DNAJC3: variants seen among roughly 807,000 people sequenced by gnomAD.
The protein encoded by DNAJC3 is dnaJ homolog subfamily C member 3.
Under a neutral mutation model 68.6 loss-of-function variants are expected in DNAJC3, and 38 were observed. That is an observed-to-expected ratio of 0.55 (90% CI 0.43 to 0.73). The LOEUF (loss-of-function observed/expected upper bound fraction) is 0.73. Ranked by LOEUF, DNAJC3 falls within the 30% of genes least tolerant of loss-of-function variation. The probability of loss-of-function intolerance (pLI) is 0.00; values close to 1 mark genes in which losing one functional copy is unlikely to be tolerated. For synonymous variants in DNAJC3, 203 were observed against 204.0 expected (o/e 1.00, Z 0.04); for missense variants, 526 against 591.9 (o/e 0.89, Z 1.16).
At chr13:95,688,549 A>C (rs1449029678) in intron 1 of DNAJC3, among the ~76,000 whole-genome samples, 3 of 149,476 alleles carry the variant, frequency 2.0e-5, no homozygotes, top group Non-Finnish European at 4.4e-5. Context: ...AGAGTGTTAC[A>C]TTGTCCCCCA....
chr13:95,785,915 ATTATC>A lies in DNAJC3; in HGVS notation c.1076-20_1076-16del. 1 of 1,553,478 alleles carries A rather than the reference ATTATC, an allele frequency of 6.4e-7. No individual in the cohort carries two copies. Among genetic ancestry groups the A allele is most frequent in the South Asian group, 1.2e-5 (1 of 80,984 alleles). ...ATAAATTATAATTTGCCTTAACAAT[ATTATC>A]TTAAACATATTTTGACAGCTATTCA... is the stretch of plus-strand genomic sequence containing the variant. On this transcript the variant is annotated intron_variant, in intron 9 of 11. Transcript: ENST00000602402.
chr13:95,725,046 T>G (rs1213939374), intron 3 of DNAJC3, 132 bp from the exon 4 acceptor site: 1 of 506,866 alleles, frequency 2.0e-6, no homozygotes, highest in Non-Finnish European at 3.2e-6. Flanking sequence ...TTATTCTTGG[T>G]GTCAAGTCAG....
At position 95,692,042 on chromosome 13, in the gene DNAJC3, ATGGAAAGAGAGGGAGAGGGAGACCG is replaced by A. The variant is rs1323161247; in HGVS notation, c.82+14754_82+14778del. Among the ~76,000 whole-genome samples, 439 of 146,392 alleles carry A rather than the reference ATGGAAAGAGAGGGAGAGGGAGACCG, an allele frequency of 3.0e-3. 4 individuals carry two copies. Among genetic ancestry groups the A allele is most frequent in the African/African-American group, 9.6e-3 (347 of 36,246 alleles). On this transcript the variant is annotated intron_variant, in intron 1 of 11. Transcript: ENST00000602402. ...TTCAGCTCGGCATCAGAGGGAGACC[ATGGAAAGAGAGGGAGAGGGAGACCG>A]TGGAAAGAGAGGGAGAGGGAGACCG... is the stretch of plus-strand genomic sequence containing the variant.
chr13:95,723,556 G>A (rs1255076680), intron 3 of DNAJC3, among the ~76,000 whole-genome samples, 190 bp downstream of exon 3: 2 of 152,114 alleles, frequency 1.3e-5, no homozygotes, highest in African/African-American at 2.4e-5. Flanking sequence ...AGAGAACAGC[G>A]GGTACATTAG....
rs990730126 is a variant in DNAJC3 at position 95,791,396 on chromosome 13, T to G, written c.*366T>G. 4.1e-6 allele frequency: 1 copy of G among 245,324 alleles called. No individual in the cohort carries two copies. The highest frequency in any genetic ancestry group is 7.9e-6 in the Non-Finnish European group (1 of 126,246). 15.2% of individuals were successfully genotyped at this position (245,324 alleles called of 1,614,324 possible). ...TGCAGAGTAAGTCAGTGCCTACAAG[T>G]GTAAGAAGGAGCTGTAATCTTCATG... is the stretch of plus-strand genomic sequence containing the variant. On this transcript the variant is annotated 3_prime_UTR_variant, in exon 12 of 12. Transcript: ENST00000602402.
chr13:95,762,956 A>C (rs1594013279), intron 7 of DNAJC3, among the ~76,000 whole-genome samples: 2 of 152,338 alleles, frequency 1.3e-5, no homozygotes, highest in East Asian at 3.9e-4. Context: ...CTGTGTTTTA[A>C]TACATTGGCA....
chr13:95,721,267 C>T (rs922816883), intron 2 of DNAJC3, among the ~76,000 whole-genome samples: 1 of 152,158 alleles, frequency 6.6e-6, no homozygotes, highest in Admixed American at 6.6e-5. Context: ...AATGAATAAC[C>T]TGCTGTATGT....
chr13:95,764,067 AT>A, intron 9 of DNAJC3, 114 bp downstream of exon 9: 1 of 1,473,140 alleles, frequency 6.8e-7, no homozygotes, highest in Non-Finnish European at 9.1e-7. Context: ...AATGTTGACA[AT>A]TTTAGAAAAA....
intron 4 of DNAJC3, among the ~76,000 whole-genome samples, chr13:95,749,614 C>T (rs1023601071): frequency 6.6e-6 from 1 of 152,046 alleles, no homozygotes; most frequent in Non-Finnish European, 1.5e-5. Flanking sequence ...CCACTTTGTC[C>T]CTGTTACTGA....
intron 9 of DNAJC3, among the ~76,000 whole-genome samples, chr13:95,774,749 C>G (rs1264096650): frequency 2.0e-5 from 3 of 152,148 alleles, no homozygotes; most frequent in African/African-American, 7.2e-5. Flanking sequence ...ACTGGCAATA[C>G]TCTTTTTCTT....
intron 9 of DNAJC3, among the ~76,000 whole-genome samples, chr13:95,765,165 CTTTAATA>C (rs1215574403): frequency 2.0e-5 from 3 of 152,062 alleles, no homozygotes; most frequent in African/African-American, 7.2e-5. Flanking sequence ...CAAAATGACA[CTTTAATA>C]TTTATAAGCA....
intron 4 of DNAJC3, among the ~76,000 whole-genome samples, chr13:95,748,906 T>A (rs1882390135): frequency 2.0e-5 from 3 of 152,228 alleles, no homozygotes; most frequent in Admixed American, 2.0e-4. Flanking sequence ...ATGGTACTTT[T>A]AAGTCATAAA....
At chr13:95,778,729 G>A (rs1263858773) in intron 9 of DNAJC3, among the ~76,000 whole-genome samples, 1 of 152,206 alleles carries the variant, frequency 6.6e-6, no homozygotes, top group Non-Finnish European at 1.5e-5. Context: ...TGAATGTGCA[G>A]TCATAGTTGA....
chr13:95,689,161 T>G (rs1880158440), intron 1 of DNAJC3, among the ~76,000 whole-genome samples: 1 of 151,698 alleles, frequency 6.6e-6, no homozygotes, highest in Non-Finnish European at 1.5e-5. Context: ...GGGAATACTT[T>G]CAGTAAGATT....
chr13:95,734,840 T>A (rs1881843465), intron 4 of DNAJC3, among the ~76,000 whole-genome samples: 1 of 151,794 alleles, frequency 6.6e-6, no homozygotes, highest in African/African-American at 2.4e-5. Flanking sequence ...TAATTATACT[T>A]TAAGTTTTAG....
chr13:95,723,810 A>C (rs769027872), intron 3 of DNAJC3, among the ~76,000 whole-genome samples: 2 of 152,114 alleles, frequency 1.3e-5, no homozygotes, highest in Non-Finnish European at 2.9e-5. Flanking sequence ...ATTAGCAGAG[A>C]CATCCCCTGG....
chr13:95,704,851 G>GTTTTTTTGTTTTTTTTTTTT (rs1437981663), intron 1 of DNAJC3, among the ~76,000 whole-genome samples: 3 of 97,850 alleles, frequency 3.1e-5, no homozygotes, highest in African/African-American at 1.8e-4. Flanking sequence ...GTGTGTGTGT[G>GTTTTTTTGTTTTTTTTTTTT]TTTTTTTTTT....
intron 7 of DNAJC3, among the ~76,000 whole-genome samples, chr13:95,761,218 A>G (rs1882810484): frequency 6.6e-6 from 1 of 152,184 alleles, no homozygotes; most frequent in Admixed American, 6.5e-5. Flanking sequence ...AAAGAGGAGT[A>G]TTTACTCCAA....
intron 1 of DNAJC3, among the ~76,000 whole-genome samples, chr13:95,679,461 T>C (rs1330442412): frequency 6.6e-6 from 1 of 152,180 alleles, no homozygotes; most frequent in Non-Finnish European, 1.5e-5. Context: ...AGGTGTCTGC[T>C]ATGTATTTGA....
Sources: allele counts gnomAD v4.1 joint callset (sites outside exome capture counted in the v4.1 genomes callset), GRCh38; gene constraint gnomAD v4.1.1; transcripts MANE v1.5; gene names NCBI Gene and HGNC (gene_info 2026-07-23, HGNC 2026-07-21).